The following SNX13 variants were observed in gnomAD, a reference collection of about 807,000 sequenced individuals.
The protein encoded by SNX13 is sorting nexin 13.
A neutral mutation model predicts 133.6 loss-of-function variants in SNX13; 45 were observed. That is an observed-to-expected ratio of 0.34 (90% CI 0.27 to 0.43). The LOEUF (loss-of-function observed/expected upper bound fraction) is 0.43, where lower values mean the gene tolerates loss of function less well. SNX13 is among the 20% of genes least tolerant of loss of function. The pLI is 1.00. For missense variants in SNX13, 1,032 were observed against 1,145.1 expected, an observed-to-expected ratio of 0.90 and a Z score of 1.43; for synonymous variants, 414 against 373.9, an observed-to-expected ratio of 1.11 and a Z score of -1.24.
At position 17,845,591 on chromosome 7, in the gene SNX13, C is replaced by T. The variant is rs773289776; in HGVS notation, c.1165+4G>A. 4 of 1,560,082 alleles carry T rather than the reference C, an allele frequency of 2.6e-6. No individual in the cohort carries two copies. Among genetic ancestry groups the T allele is most frequent in the Non-Finnish European group, 3.5e-6 (4 of 1,148,004 alleles). ...TATCATTTAAATAGAATTGATCTACCTACCCATAAAAAATTGTAGTGCAAC... is the reference window on the plus strand; with the variant it reads ...TATCATTTAAATAGAATTGATCTACTTACCCATAAAAAATTGTAGTGCAAC... On this transcript the variant is annotated splice_donor_region_variant and intron_variant, in intron 12 of 25. Coordinates refer to ENST00000428135, the MANE Select transcript of SNX13 (RefSeq NM_015132.5).
intron 1 of SNX13, among the ~76,000 whole-genome samples, chr7:17,909,350 G>A (rs1180762240): frequency 6.6e-6 from 1 of 152,098 alleles, no homozygotes; most frequent in Non-Finnish European, 1.5e-5. Flanking sequence ...CCATTACTGG[G>A]TATATACCCA....
At chr7:17,874,269 C>T (rs932673879) in intron 7 of SNX13, among the ~76,000 whole-genome samples, 4 of 151,824 alleles carry the variant, frequency 2.6e-5, no homozygotes, top group African/African-American at 4.8e-5. Context: ...AGAGATGAAC[C>T]GCATAGCCTA....
chr7:17,876,502 C>T (rs1794735400), intron 5 of SNX13, among the ~76,000 whole-genome samples: 1 of 151,412 alleles, frequency 6.6e-6, no homozygotes, highest in Non-Finnish European at 1.5e-5. Flanking sequence ...ATCACCTGAG[C>T]CCAGGAGGTC....
chr7:17,865,831 C>A (rs1332385094), intron 9 of SNX13, among the ~76,000 whole-genome samples: 1 of 152,014 alleles, frequency 6.6e-6, no homozygotes, highest in Non-Finnish European at 1.5e-5. Context: ...CAGAAATAAA[C>A]CCACACATTC....
chr7:17,915,834 C>A (rs2128027920), intron 1 of SNX13, among the ~76,000 whole-genome samples: 1 of 152,302 alleles, frequency 6.6e-6, no homozygotes, highest in Non-Finnish European at 1.5e-5. Context: ...ACACTTAACC[C>A]AATGACTGCA....
At position 17,805,250 on chromosome 7, in the gene SNX13, T is replaced by TGTGTGTGTGTGTGTGCGCGC; in HGVS notation, c.2065-1671_2065-1670insGCGCGCACACACACACACAC. On this transcript the variant is annotated intron_variant, in intron 20 of 25. Coordinates refer to ENST00000428135, the MANE Select transcript of SNX13 (RefSeq NM_015132.5). ...GTGTGTGTGTGTGTGTGTGTGTGTG[T>TGTGTGTGTGTGTGTGCGCGC]GCGTGCGCGCGCGCGCATGCATGCA... 3.0e-3 allele frequency among the ~76,000 whole-genome samples: 283 copies of TGTGTGTGTGTGTGTGCGCGC among 95,532 alleles called. 6 individuals are homozygous for TGTGTGTGTGTGTGTGCGCGC. The highest frequency in any genetic ancestry group is 6.7e-3 in the Admixed American group (57 of 8,520). The allele number at this position is 95,532 out of a possible 152,430, so 62.7% of individuals were successfully genotyped here.
chr7:17,802,753 T>C (rs528214918), intron 21 of SNX13, among the ~76,000 whole-genome samples: 3 of 152,280 alleles, frequency 2.0e-5, no homozygotes, highest in South Asian at 2.1e-4. Flanking sequence ...ATCTATCAAG[T>C]ACAAAATTCT....
intron 1 of SNX13, among the ~76,000 whole-genome samples, chr7:17,935,073 G>A (rs1801867643): frequency 6.6e-6 from 1 of 152,090 alleles, no homozygotes; most frequent in Non-Finnish European, 1.5e-5. Flanking sequence ...TGCACTCCCA[G>A]GTTCACAGCA....
chr7:17,801,026 A>ATATATATATATATG (rs1784578922), intron 22 of SNX13, among the ~76,000 whole-genome samples: 1 of 16,938 alleles, frequency 5.9e-5, no homozygotes, highest in African/African-American at 1.5e-4. Flanking sequence ...ATATATATAT[A>ATATATATATATATG]TATATATATA....
At chr7:17,935,683 G>C (rs1801939679) in intron 1 of SNX13, among the ~76,000 whole-genome samples, 1 of 152,102 alleles carries the variant, frequency 6.6e-6, no homozygotes, top group Non-Finnish European at 1.5e-5. Context: ...TTTGTCAAAA[G>C]ATGCCAAGTA....
intron 1 of SNX13, among the ~76,000 whole-genome samples, chr7:17,925,104 C>T (rs1327983029): frequency 6.6e-6 from 1 of 152,146 alleles, no homozygotes; most frequent in African/African-American, 2.4e-5. Flanking sequence ...TGCTACTCTA[C>T]TCAGGAGGCT....
intron 20 of SNX13, among the ~76,000 whole-genome samples, chr7:17,806,290 T>A (rs1428821555): frequency 6.6e-6 from 1 of 152,180 alleles, no homozygotes; most frequent in East Asian, 1.9e-4. Context: ...TTCTAAAAAT[T>A]GTTTCACAGA....
intron 17 of SNX13, 88 bp from the exon 18 acceptor site, chr7:17,821,736 T>C (rs1787312866): frequency 7.1e-7 from 1 of 1,408,206 alleles, no homozygotes; most frequent in East Asian, 2.4e-5. Flanking sequence ...AGGAGGAAGA[T>C]GAAGAAAACA....
At position 17,893,357 on chromosome 7, in the gene SNX13, G is replaced by A. The variant is rs1212626732; in HGVS notation, c.203C>T (p.Pro68Leu). Residue 68 changes from proline to leucine, a missense_variant, in exon 3 of 26, where the codon CCT becomes CTT. Pro to Leu is a moderately conservative substitution (Grantham distance 98). Transcript: ENST00000428135. ...CTTAGGAACCCCAGGTGATGTTGGAGGAAGAAATGAGTGTTCACACTGTTC... is the reference window on the plus strand; with the variant it reads ...CTTAGGAACCCCAGGTGATGTTGGAAGAAGAAATGAGTGTTCACACTGTTC... Reference protein sequence around the residue: ...YLEQCEHSFLPPTSPGVPKCL... With the variant: ...YLEQCEHSFLLPTSPGVPKCL... The A allele has an allele frequency of 1.9e-6, 3 of 1,575,724 alleles. No homozygotes were observed. Among genetic ancestry groups the A allele is most frequent in the South Asian group, 2.3e-5 (2 of 85,602 alleles).
intron 11 of SNX13, among the ~76,000 whole-genome samples, chr7:17,848,845 C>A (rs1026081244): frequency 6.6e-6 from 1 of 152,156 alleles, no homozygotes; most frequent in Non-Finnish European, 1.5e-5. Flanking sequence ...GCAAGTCCTG[C>A]GAAGGGGTCA....
intron 15 of SNX13, chr7:17,831,108 C>A (rs981500564): frequency 2.0e-6 from 2 of 984,326 alleles, no homozygotes; most frequent in South Asian, 9.4e-5. Context: ...TAAATCTTCC[C>A]ACCAAAGACA....
At chr7:17,916,148 T>C (rs938698648) in intron 1 of SNX13, among the ~76,000 whole-genome samples, 2 of 151,998 alleles carry the variant, frequency 1.3e-5, no homozygotes, top group Non-Finnish European at 2.9e-5. Flanking sequence ...ACAAACACAG[T>C]GTTAAGAGGA....
At chr7:17,904,892 T>C (rs938840084) in intron 1 of SNX13, among the ~76,000 whole-genome samples, 1 of 152,242 alleles carries the variant, frequency 6.6e-6, no homozygotes, top group Non-Finnish European at 1.5e-5. Context: ...TGTGGAACCC[T>C]GTCTCATTCA....
intron 9 of SNX13, among the ~76,000 whole-genome samples, chr7:17,852,929 C>A (rs188670733): frequency 1.3e-5 from 2 of 152,196 alleles, no homozygotes; most frequent in Non-Finnish European, 2.9e-5. Context: ...TACGTGGTAA[C>A]AGGATATTAT....
Sources: allele counts gnomAD v4.1 joint callset (sites outside exome capture counted in the v4.1 genomes callset), GRCh38; gene constraint gnomAD v4.1.1; transcripts MANE v1.5; gene names NCBI Gene and HGNC (gene_info 2026-07-23, HGNC 2026-07-21).